TNK2: variants seen among roughly 807,000 people sequenced by gnomAD.
TNK2 encodes the protein activated CDC42 kinase 1.
In TNK2, 83 loss-of-function variants were observed where a neutral mutation model predicts 101.8. The observed-to-expected ratio is 0.82, with a 90% CI of 0.68 to 0.98. The LOEUF is 0.98. Ranked by LOEUF, TNK2 falls within the 50% of genes least tolerant of loss-of-function variation. TNK2 has a pLI of 0.00. For synonymous variants in TNK2, 804 were observed against 633.0 expected (o/e 1.27, Z -4.06); for missense variants, 1,665 against 1,483.2 (o/e 1.12, Z -2.01).
At position 195,864,018 on chromosome 3, in the gene TNK2, G is replaced by T; in HGVS notation, c.*163C>A. ...AGCGCTGGTGCAGGAGGGATGGGCA[G>T]GGCAGGGCTCCCAGCCTCCCGCAGC... On this transcript the variant is annotated 3_prime_UTR_variant, in exon 16 of 16. Transcript: ENST00000672887. 1.1e-6 allele frequency: 1 copy of T among 877,930 alleles called. No individual in the cohort carries two copies. The highest frequency in any genetic ancestry group is 1.8e-6 in the Non-Finnish European group (1 of 553,936). 54.4% of individuals were successfully genotyped at this position (877,930 alleles called of 1,614,324 possible). A position where few individuals can be genotyped will look rare whatever the true frequency, so the allele number is the denominator to read the frequency against.
intron 10 of TNK2, among the ~76,000 whole-genome samples, chr3:195,872,008 TTCCCCTGGAGAACCC>T (rs1560488950): frequency 6.6e-4 from 29 of 44,078 alleles, no homozygotes; most frequent in South Asian, 1.6e-3. Flanking sequence ...CTGGAGAACA[TTCCCCTGGAGAACCC>T]TCCCCTGGAG....
In TNK2 at chr3:195,868,173, C is replaced by A. The variant is rs372090414; in HGVS notation, c.2125G>T (p.Gly709Trp). ...EDNLFLPPQG[G>W]GKPPSSAQTA... ...TGTGCGGAGCTGGGCGGCTTGCCCC[C>A]ACCCTGGGGCGGGAGGAACAGGTTG... The change falls in exon 13 of 16, where the codon GGG becomes TGG. Residue 709 changes from glycine (G) to tryptophan (W), a missense_variant. Coordinates refer to ENST00000672887, the MANE Select transcript of TNK2 (RefSeq NM_001382273.1). The A allele has an allele frequency of 7.5e-6, 12 of 1,610,234 alleles. No homozygotes were observed. In the East Asian group the frequency reaches 1.1e-4, roughly 15 times the overall value.
At chr3:195,896,123 C>T (rs541203651) in intron 1 of TNK2, 55 of 455,562 alleles carry the variant, frequency 1.2e-4, no homozygotes, top group African/African-American at 8.0e-4. Context: ...CAGGCCCACG[C>T]GGGGGTGCCG....
intron 6 of TNK2, among the ~76,000 whole-genome samples, chr3:195,881,643 C>T (rs200795236): frequency 1.2e-4 from 13 of 108,356 alleles, no homozygotes; most frequent in African/African-American, 2.4e-4. Flanking sequence ...ACACCCCCCC[C>T]CCAGCAACGC....
chr3:195,905,436 T>C (rs1323423305), intron 1 of TNK2, among the ~76,000 whole-genome samples: 7 of 152,076 alleles, frequency 4.6e-5, no homozygotes. Flanking sequence ...CCTGACCTCA[T>C]GATCCGCCCG....
intron 1 of TNK2, among the ~76,000 whole-genome samples, chr3:195,897,001 T>C (rs1030139465): frequency 5.9e-5 from 9 of 152,250 alleles, no homozygotes; most frequent in Admixed American, 1.3e-4. Flanking sequence ...ATGCCAACCC[T>C]ACCTCCCAGC....
intron 10 of TNK2, 119 bp downstream of exon 10, chr3:195,872,157 G>T: frequency 8.4e-7 from 1 of 1,183,740 alleles, no homozygotes; most frequent in Non-Finnish European, 1.2e-6. Flanking sequence ...AGAGTGGCGG[G>T]TCGGGGGCTG....
Position 195,896,374 on chromosome 3 carries a change from A to C in TNK2, c.-18-7768T>G, listed in dbSNP as rs565854545. 5.7e-5 allele frequency: 18 copies of C among 314,082 alleles called. No individual in the cohort carries two copies. The East Asian group carries it at 2.1e-3, about 37-fold the overall frequency. The allele number at this position is 314,082 out of a possible 1,614,324, so 19.5% of individuals were successfully genotyped here. On this transcript the variant is annotated intron_variant, in intron 1 of 15. Transcript: ENST00000672887. Reference sequence around the variant, plus strand: ...GCGTCAAGGCTGAGCCAGACCCTGGAAGGTCACTAGGTGAGGCTCCCTCTA... The same window carrying C: ...GCGTCAAGGCTGAGCCAGACCCTGGCAGGTCACTAGGTGAGGCTCCCTCTA...
In TNK2 at chr3:195,888,444, T is replaced by C; in HGVS notation, c.145A>G (p.Ile49Val). ...CACCTACCAGGCCGACCCATGCCGA[T>C]CTTCTCCAGGTCCTCATTCTTGACG... ...EYVKNEDLEK[I>V]GMGRPGQRRL... is the part of the protein sequence containing the mutation. The change falls in exon 2 of 16, where the codon ATC (isoleucine) becomes GTC (valine). Residue 49 changes from isoleucine to valine, a missense_variant. By Grantham distance (29) the Ile-to-Val change is conservative. Around this residue, in one of 3 missense-constraint regions of TNK2, gnomAD observed 490 missense variants for 522.5 expected, o/e 0.94. Coordinates refer to ENST00000672887, the MANE Select transcript of TNK2 (RefSeq NM_001382273.1). The surrounding 1 kb of genome is among the most constrained non-coding windows in gnomAD (Gnocchi z 5.3). 1.2e-6 allele frequency: 2 copies of C among 1,613,624 alleles called. No individual in the cohort carries two copies. The highest frequency in any genetic ancestry group is 1.7e-6 in the Non-Finnish European group (2 of 1,179,746).
intron 1 of TNK2, among the ~76,000 whole-genome samples, chr3:195,906,595 G>T (rs1250373503): frequency 2.0e-5 from 3 of 152,100 alleles, no homozygotes; most frequent in Non-Finnish European, 2.9e-5. Context: ...TGGCAGAGGA[G>T]CGGGGGATGG....
In TNK2 at chr3:195,869,502, G is replaced by A. The variant is rs146442175; in HGVS notation, c.1583C>T (p.Thr528Ile). The A allele has an allele frequency of 2.6e-6, 4 of 1,550,938 alleles. No individual in the cohort carries two copies. The highest frequency in any genetic ancestry group is 2.4e-5 in the South Asian group (2 of 84,060). ...PPRPPQPAFFTQKPTYDPVSE... is the reference protein window; with the variant it reads ...PPRPPQPAFFIQKPTYDPVSE... Reference sequence around the variant, plus strand: ...TCGGAAGCAGCCCCACTTACTCTGAGTGAAGAAGGCAGGCTGAGGTGGGCG... The same window carrying A: ...TCGGAAGCAGCCCCACTTACTCTGAATGAAGAAGGCAGGCTGAGGTGGGCG... Residue 528 changes from threonine to isoleucine, a missense_variant, in exon 12 of 16, where the codon ACT (threonine) becomes ATT (isoleucine). By Grantham distance (89) the Thr-to-Ile change is moderately conservative. Coordinates refer to ENST00000672887, the MANE Select transcript of TNK2 (RefSeq NM_001382273.1).
chr3:195,884,776 T>A (rs1358540830), intron 4 of TNK2, 36 bp downstream of exon 4: 4 of 1,566,512 alleles, frequency 2.6e-6, no homozygotes, highest in Non-Finnish European at 1.7e-6. Flanking sequence ...CCGGGTCCCA[T>A]GCCTCTGCTG....
chr3:195,906,426 C>T (rs1324297135), intron 1 of TNK2, among the ~76,000 whole-genome samples: 1 of 152,178 alleles, frequency 6.6e-6, no homozygotes, highest in Non-Finnish European at 1.5e-5. Context: ...GATAAACAGA[C>T]TTTGGCACAC....
intron 4 of TNK2, 138 bp downstream of exon 4, chr3:195,884,674 A>T: frequency 4.0e-6 from 3 of 742,286 alleles, no homozygotes; most frequent in Non-Finnish European, 6.3e-6. Flanking sequence ...AACCCCAAAA[A>T]TCCTGAGCAC....
At chr3:195,864,229 G>T (rs1204288904) in intron 15 of TNK2, 42 bp from the exon 16 acceptor site, 4 of 1,613,494 alleles carry the variant, frequency 2.5e-6, no homozygotes. Flanking sequence ...ACAGTTTACA[G>T]AAGGTTCAGC....
rs1168909663 is a variant in TNK2, at chr3:195,868,147, C to T, written c.2151G>A (p.Gln717=). 6.2e-7 allele frequency: 1 copy of T among 1,611,348 alleles called. No individual in the cohort carries two copies. Among genetic ancestry groups the T allele is most frequent in the Admixed American group, 1.7e-5 (1 of 59,860 alleles). The change falls in exon 13 of 16, where the codon CAG becomes CAA. Residue 717 remains glutamine, a synonymous_variant. Coordinates refer to ENST00000672887, the MANE Select transcript of TNK2 (RefSeq NM_001382273.1). Reference sequence around the variant, plus strand: ...GTAGCGCCTGGAAGATCTCTGCGGTCTGTGCGGAGCTGGGCGGCTTGCCCC... The same window carrying T: ...GTAGCGCCTGGAAGATCTCTGCGGTTTGTGCGGAGCTGGGCGGCTTGCCCC... ...QGGGKPPSSA[Q]TAEIFQALQQ... is the part of the protein sequence containing the mutation.
intron 6 of TNK2, among the ~76,000 whole-genome samples, chr3:195,881,737 A>T (rs1341847315): frequency 3.6e-5 from 4 of 111,498 alleles, no homozygotes; most frequent in East Asian, 6.1e-4. Context: ...TCTATCCCTG[A>T]AACACGACCC....
In TNK2 at chr3:195,886,209, T is replaced by G. The variant is rs1319346040; in HGVS notation, c.234+768A>C. On this transcript the variant is annotated intron_variant, in intron 3 of 15. Coordinates refer to ENST00000672887, the MANE Select transcript of TNK2 (RefSeq NM_001382273.1). The surrounding 1 kb of genome is among the most constrained non-coding windows in gnomAD (Gnocchi z 4.2). ...CCTGCCTCCACCATCCCGACACTAC[T>G]CATCCTTCCCTAAAACCCGGGCAAA... The G allele has an allele frequency of 6.6e-6, 1 of 152,640 alleles. No individual in the cohort carries two copies. The highest frequency in any genetic ancestry group is 6.5e-5 in the Admixed American group (1 of 15,288). 9.5% of individuals were successfully genotyped at this position (152,640 alleles called of 1,614,324 possible).
At chr3:195,866,790 G>A (rs1433393028) in intron 15 of TNK2, 99 bp downstream of exon 15, 34 of 1,494,384 alleles carry the variant, frequency 2.3e-5, no homozygotes, top group African/African-American at 5.6e-5. Context: ...CTCCCTGGCC[G>A]GGAGCGGCCT....
Sources: allele counts gnomAD v4.1 joint callset (sites outside exome capture counted in the v4.1 genomes callset), GRCh38; gene constraint gnomAD v4.1.1; regional missense constraint gnomAD v4.1.1; non-coding constraint Gnocchi (gnomAD v3.1); transcripts MANE v1.5; gene names NCBI Gene and HGNC (gene_info 2026-07-23, HGNC 2026-07-21).